The following RNF17 variants were observed in gnomAD, a reference collection of about 807,000 sequenced individuals.
RNF17 encodes ring finger protein 17.
RNF17 carries 31 observed loss-of-function variants against 200.5 expected under a neutral mutation model. The observed-to-expected ratio is 0.15, with a 90% CI of 0.12 to 0.21. The LOEUF (loss-of-function observed/expected upper bound fraction) is 0.21, where lower values mean the gene tolerates loss of function less well. Among genes scored for constraint, RNF17 ranks in the 10% least tolerant of loss-of-function variants. RNF17 has a pLI of 1.00. For missense variants in RNF17, 1,628 were observed against 1,905.1 expected, an observed-to-expected ratio of 0.85 and a Z score of 2.71; for synonymous variants, 606 against 637.8, an observed-to-expected ratio of 0.95 and a Z score of 0.75.
chr13:24,802,251 T>G, intron 13 of RNF17, 130 bp from the exon 14 acceptor site: 1 of 745,822 alleles, frequency 1.3e-6, no homozygotes, highest in Non-Finnish European at 2.1e-6. Flanking sequence ...CCCTGGCTGT[T>G]TCCTAATGTC....
At chr13:24,842,196 T>C in intron 19 of RNF17, 35 bp downstream of exon 19, 5 of 1,543,978 alleles carry the variant, frequency 3.2e-6, no homozygotes, top group Non-Finnish European at 3.5e-6. Flanking sequence ...TGTTAGTTCA[T>C]GTTCTTATGT....
At chr13:24,831,734 TTATTTC>T in intron 17 of RNF17, 118 bp from the exon 18 acceptor site, 1 of 822,906 alleles carries the variant, frequency 1.2e-6, no homozygotes, top group Non-Finnish European at 1.9e-6. Flanking sequence ...CATTATTTGA[TTATTTC>T]TAATATGTAT....
Position 24,789,718 on chromosome 13 carries a change from A to G in RNF17, c.881A>G (p.Glu294Gly). 1 of 1,597,092 alleles carries G rather than the reference A, an allele frequency of 6.3e-7. No homozygotes were observed. Among genetic ancestry groups the G allele is most frequent in the Non-Finnish European group, 8.6e-7 (1 of 1,165,170 alleles). The change falls in exon 9 of 36, where the codon GAG becomes GGG. Residue 294 changes from glutamate (E) to glycine (G), a missense_variant. Coordinates refer to ENST00000255324, the MANE Select transcript of RNF17 (RefSeq NM_031277.3). ...NPPRLSVNCS[E>G]IICMFNNMGK... is the part of the protein sequence containing the mutation. The stretch of plus-strand genomic sequence containing the variant: ...TATAGGTTGAGTGTGAATTGCAGTG[A>G]GATCATCTGTATGTTCAACAATATG...
chr13:24,826,705 G>A (rs1416737014), intron 16 of RNF17, among the ~76,000 whole-genome samples: 1 of 151,980 alleles, frequency 6.6e-6, no homozygotes, highest in Non-Finnish European at 1.5e-5. Flanking sequence ...CCTGGGAGGT[G>A]GAGGTTGCAG....
intron 18 of RNF17, among the ~76,000 whole-genome samples, chr13:24,837,693 C>A (rs778699670): frequency 1.3e-5 from 2 of 152,076 alleles, no homozygotes; most frequent in Admixed American, 1.3e-4. Flanking sequence ...ACTGCAAAGG[C>A]GGGTGCTAAG....
intron 12 of RNF17, among the ~76,000 whole-genome samples, chr13:24,800,123 T>G (rs193299857): frequency 1.2e-4 from 18 of 152,220 alleles, no homozygotes; most frequent in African/African-American, 4.3e-4. Context: ...TCCTTTAAGT[T>G]CAAACTGCAT....
At chr13:24,774,781 CT>C in intron 2 of RNF17, 31 bp from the exon 3 acceptor site, 1 of 1,419,410 alleles carries the variant, frequency 7.0e-7, no homozygotes, top group African/African-American at 1.4e-5. Flanking sequence ...TATTGGGTGA[CT>C]TTGTTTTTTT....
downstream of RNF17, chr13:24,883,230 G>A (rs753141177): frequency 9.3e-6 from 15 of 1,613,810 alleles, no homozygotes; most frequent in South Asian, 2.2e-5. Context: ...ACTCTTATCC[G>A]ACCGGATCTG....
At chr13:24,749,307 C>CTTTCTTTTT in the RNF17 span, among the ~76,000 whole-genome samples, 109 of 108,006 alleles carry the variant, frequency 1.0e-3, 1 homozygote, top group African/African-American at 3.6e-3. Flanking sequence ...TTCTTTCTTT[C>CTTTCTTTTT]TTTTTTTTTT....
chr13:24,764,107 T>G, upstream of RNF17: 1 of 1,201,552 alleles, frequency 8.3e-7, no homozygotes, highest in Non-Finnish European at 1.2e-6. Flanking sequence ...GGCCCACTGT[T>G]TGGCTATCTG....
intron 25 of RNF17, among the ~76,000 whole-genome samples, chr13:24,858,186 C>G (rs1012789778): frequency 1.3e-5 from 2 of 152,040 alleles, no homozygotes; most frequent in African/African-American, 4.8e-5. Flanking sequence ...ATTTGTTGAT[C>G]TCCTAAATAT....
chr13:24,768,728 C>T (rs1880171492), intron 2 of RNF17, among the ~76,000 whole-genome samples: 1 of 151,870 alleles, frequency 6.6e-6, no homozygotes, highest in South Asian at 2.1e-4. Context: ...TGGGTTTCCT[C>T]ATTTGTGAGA....
chr13:24,849,371 T>A (rs1317359920), intron 22 of RNF17, among the ~76,000 whole-genome samples: 1 of 152,250 alleles, frequency 6.6e-6, no homozygotes, highest in African/African-American at 2.4e-5. Flanking sequence ...ACAGGCCACA[T>A]GCAGCCCAGG....
downstream of RNF17, chr13:24,884,368 A>G: frequency 1.9e-6 from 3 of 1,614,186 alleles, no homozygotes; most frequent in Non-Finnish European, 2.5e-6. Flanking sequence ...CATTAAAGAA[A>G]GTGACAGTGA....
intron 32 of RNF17, among the ~76,000 whole-genome samples, chr13:24,873,393 A>T (rs777481509): frequency 6.6e-6 from 1 of 152,208 alleles, no homozygotes; most frequent in South Asian, 2.1e-4. Flanking sequence ...TTGTGAGCCT[A>T]TATTTGTTAC....
chr13:24,763,988 G>C (rs1016030433), upstream of RNF17, among the ~76,000 whole-genome samples: 1 of 152,180 alleles, frequency 6.6e-6, no homozygotes, highest in African/African-American at 2.4e-5. Flanking sequence ...AAAAACGAAC[G>C]GTCCTCAACG....
At chr13:24,863,166 C>G (rs1489004431) in intron 28 of RNF17, among the ~76,000 whole-genome samples, 1 of 152,164 alleles carries the variant, frequency 6.6e-6, no homozygotes, top group Non-Finnish European at 1.5e-5. Context: ...CTATCATGAT[C>G]TGTGTCCTCA....
intron 16 of RNF17, 57 bp from the exon 17 acceptor site, chr13:24,830,427 T>TCC: frequency 9.4e-7 from 1 of 1,061,570 alleles, no homozygotes; most frequent in Non-Finnish European, 1.4e-6. Flanking sequence ...CCAATCTAAA[T>TCC]TTTTCTAGAT....
intron 15 of RNF17, among the ~76,000 whole-genome samples, chr13:24,814,989 T>G (rs115598704): frequency 1.7e-3 from 253 of 152,322 alleles, no homozygotes; most frequent in African/African-American, 5.7e-3. Context: ...CTGAATTAAT[T>G]TGTTTTAACA....
Sources: allele counts gnomAD v4.1 joint callset (sites outside exome capture counted in the v4.1 genomes callset), GRCh38; gene constraint gnomAD v4.1.1; transcripts MANE v1.5; gene names NCBI Gene and HGNC (gene_info 2026-07-23, HGNC 2026-07-21).